VAV2: variants seen among roughly 807,000 people sequenced by gnomAD.
VAV2 encodes guanine nucleotide exchange factor VAV2.
In VAV2, 67 loss-of-function variants were observed where a neutral mutation model predicts 132.5. That is an observed-to-expected ratio of 0.51 (90% confidence interval 0.42 to 0.62). The LOEUF is 0.62. Ranked by LOEUF, VAV2 falls within the 20% of genes least tolerant of loss-of-function variation. The pLI is 0.00. For missense variants in VAV2, 938 were observed against 1,153.6 expected, an observed-to-expected ratio of 0.81 and a Z score of 2.71; for synonymous variants, 492 against 443.5, an observed-to-expected ratio of 1.11 and a Z score of -1.37.
At chr9:133,990,846 G>A (rs1252134161) in intron 1 of VAV2, among the ~76,000 whole-genome samples, 1 of 152,066 alleles carries the variant, frequency 6.6e-6, no homozygotes, top group African/African-American at 2.4e-5. Context: ...GGCCTCTGAG[G>A]GCTCCTGCTA....
At chr9:133,777,240 G>T in intron 23 of VAV2, 149 bp downstream of exon 23, 1 of 747,892 alleles carries the variant, frequency 1.3e-6, no homozygotes, top group Non-Finnish European at 2.3e-6. Flanking sequence ...CTTCTCTCTG[G>T]GCTCCAGCTC....
At chr9:133,800,699 C>T (rs925155311) in intron 9 of VAV2, among the ~76,000 whole-genome samples, 6 of 152,180 alleles carry the variant, frequency 3.9e-5, no homozygotes, top group South Asian at 2.1e-4. Context: ...TTGTGAGCTC[C>T]GCCTTTCAAT....
intron 2 of VAV2, among the ~76,000 whole-genome samples, chr9:133,896,661 C>T (rs1273647280): frequency 6.6e-6 from 1 of 152,176 alleles, no homozygotes; most frequent in African/African-American, 2.4e-5. Context: ...ACTTCATTCA[C>T]ATAAGCAACA....
At chr9:133,779,195 A>G (rs1268162259) in intron 21 of VAV2, among the ~76,000 whole-genome samples, 3 of 152,274 alleles carry the variant, frequency 2.0e-5, no homozygotes, top group Non-Finnish European at 4.4e-5. Context: ...TGCGGGGCAG[A>G]AGACGGGGGA....
At chr9:133,770,522 C>T in intron 26 of VAV2, 21 bp from the exon 27 acceptor site, 1 of 1,610,600 alleles carries the variant, frequency 6.2e-7, no homozygotes, top group Non-Finnish European at 8.5e-7. Context: ...TACACACTCA[C>T]TGACAGCTGC....
At chr9:133,981,708 T>C (rs1471607450) in intron 1 of VAV2, among the ~76,000 whole-genome samples, 2 of 152,208 alleles carry the variant, frequency 1.3e-5, no homozygotes, top group African/African-American at 2.4e-5. Flanking sequence ...AAGAAGATGC[T>C]ATGTGTGGCC....
At chr9:133,810,135 G>A in intron 6 of VAV2, 56 bp downstream of exon 6, 1 of 1,610,950 alleles carries the variant, frequency 6.2e-7, no homozygotes, top group Non-Finnish European at 8.5e-7. Flanking sequence ...CTCCCTGAAA[G>A]GTCAAGAAGA....
intron 2 of VAV2, among the ~76,000 whole-genome samples, chr9:133,877,668 T>C (rs1008002589): frequency 1.3e-5 from 2 of 152,072 alleles, no homozygotes; most frequent in Admixed American, 1.3e-4. Context: ...AACCCCCCTC[T>C]CATGGCCTGG....
At chr9:133,820,782 G>C (rs560255752) in intron 4 of VAV2, among the ~76,000 whole-genome samples, 2 of 152,200 alleles carry the variant, frequency 1.3e-5, no homozygotes, top group African/African-American at 4.8e-5. Context: ...TGGGCTGGAG[G>C]AGGGGTATAC....
chr9:133,869,606 T>A (rs554548712), intron 2 of VAV2, among the ~76,000 whole-genome samples: 25 of 151,992 alleles, frequency 1.6e-4, no homozygotes, highest in Admixed American at 3.3e-4. Flanking sequence ...TGAAACCCTA[T>A]CTCAAAAATA....
intron 2 of VAV2, among the ~76,000 whole-genome samples, chr9:133,893,442 C>G (rs536672667): frequency 2.2e-4 from 33 of 152,334 alleles, no homozygotes; most frequent in Admixed American, 3.9e-4. Context: ...GAGGCCCTAG[C>G]GACAACTCTG....
intron 1 of VAV2, among the ~76,000 whole-genome samples, chr9:133,987,001 A>ATATT (rs1588231068): frequency 2.7e-5 from 4 of 149,060 alleles, no homozygotes; most frequent in Admixed American, 2.0e-4. Flanking sequence ...TATTATTATT[A>ATATT]TATTTATTTA....
intron 1 of VAV2, among the ~76,000 whole-genome samples, chr9:133,947,211 G>C (rs1221275630): frequency 6.6e-6 from 1 of 152,220 alleles, no homozygotes; most frequent in East Asian, 1.9e-4. Context: ...GCAAGCAGGT[G>C]AAAGGTAGGG....
intron 1 of VAV2, among the ~76,000 whole-genome samples, chr9:133,949,261 C>T (rs1227527972): frequency 6.6e-6 from 1 of 152,206 alleles, no homozygotes; most frequent in Non-Finnish European, 1.5e-5. Context: ...TGTCTCTGCA[C>T]ACTTCCCCTC....
chr9:133,781,484 T>TC (rs1834005248), intron 19 of VAV2, among the ~76,000 whole-genome samples: 5 of 150,966 alleles, frequency 3.3e-5, no homozygotes, highest in Non-Finnish European at 7.4e-5. Flanking sequence ...TGGGCAGGGG[T>TC]CAGGGGTGGG....
intron 1 of VAV2, among the ~76,000 whole-genome samples, chr9:133,989,754 C>A (rs1842959878): frequency 6.6e-6 from 1 of 152,234 alleles, no homozygotes; most frequent in Admixed American, 6.5e-5. Flanking sequence ...AAGTCTTTCT[C>A]CCAACCCCTG....
chr9:133,893,496 CA>C (rs1750458846), intron 2 of VAV2, among the ~76,000 whole-genome samples: 1 of 152,218 alleles, frequency 6.6e-6, no homozygotes, highest in Admixed American at 6.5e-5. Flanking sequence ...GGCCGCCTAC[CA>C]GGGGCGAGCC....
At chr9:133,939,858 G>C (rs1391175666) in intron 1 of VAV2, among the ~76,000 whole-genome samples, 1 of 152,224 alleles carries the variant, frequency 6.6e-6, no homozygotes, top group Non-Finnish European at 1.5e-5. Flanking sequence ...TACAGTGGAA[G>C]GGTGGAGGGA....
At chr9:133,929,783 TGGCCTGTCCCCACTGCCAGTGCCCCCAGC>T (rs900100224) in intron 2 of VAV2, among the ~76,000 whole-genome samples, 8 of 152,004 alleles carry the variant, frequency 5.3e-5, no homozygotes, top group African/African-American at 1.7e-4. Context: ...GCGACCCCAG[TGGCCTGTCCCCACTGCCAGTGCCCCCAGC>T]GGCCTGTCCC....
Sources: gnomAD v4.1 joint callset for allele counts (sites outside exome capture counted in the v4.1 genomes callset) on GRCh38, gnomAD v4.1.1 for gene constraint, MANE v1.5 for transcripts, NCBI Gene and HGNC (gene_info 2026-07-23, HGNC 2026-07-21) for gene names.